The following MTHFD1L variants were observed in gnomAD, a reference collection of about 807,000 sequenced individuals.
The protein encoded by MTHFD1L is monofunctional C1-tetrahydrofolate synthase, mitochondrial.
MTHFD1L carries 81 observed loss-of-function variants against 119.5 expected under a neutral mutation model. The observed-to-expected ratio is 0.68, with a 90% CI of 0.57 to 0.82. The LOEUF (loss-of-function observed/expected upper bound fraction) is 0.82. Among genes scored for constraint, MTHFD1L ranks in the 40% least tolerant of loss-of-function variants. The pLI, the probability that MTHFD1L is intolerant of heterozygous loss-of-function variation, is 0.00. For synonymous variants in MTHFD1L, 430 were observed against 475.2 expected (o/e 0.90, Z 1.24); for missense variants, 1,125 against 1,253.4 (o/e 0.90, Z 1.55).
At chr6:151,093,425 G>A (rs1182546323) in intron 27 of MTHFD1L, among the ~76,000 whole-genome samples, 1 of 46,346 alleles carries the variant, frequency 2.2e-5, no homozygotes, top group African/African-American at 9.7e-5. Context: ...TTGGGAGGCC[G>A]AGGTGGGTGG....
chr6:151,063,348 A>G (rs144685643), intron 26 of MTHFD1L, among the ~76,000 whole-genome samples: 2 of 152,130 alleles, frequency 1.3e-5, no homozygotes, highest in East Asian at 1.9e-4. Flanking sequence ...CTCTCTATAT[A>G]TATTAAAAGA....
chr6:151,045,401 T>C (rs6910267), intron 26 of MTHFD1L, among the ~76,000 whole-genome samples: 40,422 of 151,622 alleles, frequency 0.27, 5,858 homozygotes, highest in African/African-American at 0.33. Flanking sequence ...CATCCCTTTT[T>C]CCCCCTCTCT....
At position 150,992,818 on chromosome 6, in the gene MTHFD1L, T is replaced by A. The variant is rs115782970; in HGVS notation, c.2126-17001T>A. On this transcript the variant is annotated intron_variant, in intron 20 of 27. Coordinates refer to ENST00000367321, the MANE Select transcript of MTHFD1L (RefSeq NM_015440.5). ...GCAGTTGGTGACTGGGTGAACCACC[T>A]GACTTGAGCAGGGCTACGACTCTCT... Among the ~76,000 whole-genome samples, 1,152 of 152,258 alleles carry A rather than the reference T, an allele frequency of 7.6e-3. 17 individuals are homozygous for A. Among genetic ancestry groups the A allele is most frequent in the African/African-American group, 0.026 (1,066 of 41,542 alleles).
At chr6:151,084,842 C>T (rs1252359616) in intron 26 of MTHFD1L, among the ~76,000 whole-genome samples, 4 of 151,392 alleles carry the variant, frequency 2.6e-5, no homozygotes, top group East Asian at 3.9e-4. Context: ...TGGCGGGTGC[C>T]TGTAGTCCCA....
chr6:151,044,940 TCA>T (rs1416710901), intron 26 of MTHFD1L, among the ~76,000 whole-genome samples: 1 of 152,244 alleles, frequency 6.6e-6, no homozygotes, highest in Non-Finnish European at 1.5e-5. Context: ...CTGCTCTTTC[TCA>T]CGTTTCAGTT....
intron 7 of MTHFD1L, 145 bp downstream of exon 7, chr6:150,888,126 T>C: frequency 1.2e-6 from 1 of 857,648 alleles, no homozygotes; most frequent in Admixed American, 4.0e-5. Flanking sequence ...ATTGAATGAG[T>C]CTACTCACCA....
intron 26 of MTHFD1L, among the ~76,000 whole-genome samples, chr6:151,065,375 G>A (rs1321564832): frequency 6.6e-6 from 1 of 152,178 alleles, no homozygotes; most frequent in Non-Finnish European, 1.5e-5. Context: ...AGACAATGGG[G>A]CCTTATGCTC....
intron 7 of MTHFD1L, among the ~76,000 whole-genome samples, chr6:150,890,585 G>A (rs1244242916): frequency 1.3e-5 from 2 of 152,136 alleles, no homozygotes; most frequent in Admixed American, 6.6e-5. Context: ...GCAGCTATTC[G>A]AGTTATCCCG....
chr6:151,023,897 A>G (rs1784291834), intron 24 of MTHFD1L, among the ~76,000 whole-genome samples: 1 of 152,188 alleles, frequency 6.6e-6, no homozygotes, highest in Non-Finnish European at 1.5e-5. Flanking sequence ...AGATCACATG[A>G]GACCATTGCA....
intron 19 of MTHFD1L, among the ~76,000 whole-genome samples, chr6:150,970,861 C>T (rs1797909453): frequency 6.6e-6 from 1 of 152,156 alleles, no homozygotes; most frequent in African/African-American, 2.4e-5. Context: ...TTCTCACCAA[C>T]TCCATACTGG....
chr6:151,021,320 G>A (rs1228816401), intron 24 of MTHFD1L, among the ~76,000 whole-genome samples: 1 of 152,194 alleles, frequency 6.6e-6, no homozygotes, highest in Non-Finnish European at 1.5e-5. Flanking sequence ...GGCTGAGGCA[G>A]GTGGATCACC....
chr6:150,891,054 C>T (rs1367249762), intron 7 of MTHFD1L, among the ~76,000 whole-genome samples: 1 of 152,174 alleles, frequency 6.6e-6, no homozygotes, highest in Non-Finnish European at 1.5e-5. Context: ...GGCGCGAACT[C>T]GGCTCACTGC....
chr6:150,892,250 G>C (rs1009771290), intron 7 of MTHFD1L, among the ~76,000 whole-genome samples: 3 of 152,190 alleles, frequency 2.0e-5, no homozygotes, highest in Admixed American at 6.5e-5. Context: ...GAATGTTTTC[G>C]CAGCTGTCAC....
Position 151,022,632 on chromosome 6 carries a change from T to A in MTHFD1L, c.2586+6939T>A, listed in dbSNP as rs554979469. Among the ~76,000 whole-genome samples, 4 of 152,334 alleles carry A rather than the reference T, an allele frequency of 2.6e-5. No individual in the cohort carries two copies. The East Asian group carries it at 5.8e-4, about 22-fold the overall frequency. Reference sequence around the variant, plus strand: ...CCTTTCTTTTGGTTGTCCTTGTCCCTGGAAAAGCTGTCTTCCCCCTCAGGG... The same window carrying A: ...CCTTTCTTTTGGTTGTCCTTGTCCCAGGAAAAGCTGTCTTCCCCCTCAGGG... On this transcript the variant is annotated intron_variant, in intron 24 of 27. Coordinates refer to ENST00000367321, the MANE Select transcript of MTHFD1L (RefSeq NM_015440.5).
chr6:150,979,817 A>G (rs908280702), intron 20 of MTHFD1L, among the ~76,000 whole-genome samples: 1 of 152,070 alleles, frequency 6.6e-6, no homozygotes, highest in African/African-American at 2.4e-5. Context: ...CAGTTTTATA[A>G]TCAGTCTTCT....
chr6:150,992,903 G>A (rs1339911887), intron 20 of MTHFD1L, among the ~76,000 whole-genome samples: 1 of 152,170 alleles, frequency 6.6e-6, no homozygotes, highest in African/African-American at 2.4e-5. Context: ...TTCCCATGTA[G>A]GCTGCTTTCC....
chr6:151,026,011 T>C (rs1784567254), intron 24 of MTHFD1L, among the ~76,000 whole-genome samples: 1 of 152,244 alleles, frequency 6.6e-6, no homozygotes, highest in African/African-American at 2.4e-5. Flanking sequence ...TTCCATTTCA[T>C]TTTATTTTGT....
intron 7 of MTHFD1L, among the ~76,000 whole-genome samples, chr6:150,894,289 A>G (rs1783847438): frequency 6.6e-6 from 1 of 152,162 alleles, no homozygotes; most frequent in South Asian, 2.1e-4. Flanking sequence ...TACTAGTAAA[A>G]TAGCGTGACT....
intron 26 of MTHFD1L, among the ~76,000 whole-genome samples, chr6:151,068,439 T>C (rs910369380): frequency 1.3e-5 from 2 of 152,228 alleles, no homozygotes; most frequent in Non-Finnish European, 2.9e-5. Context: ...GTCTTTCAAA[T>C]GCTGAGGCAT....
Sources: gnomAD v4.1 joint callset for allele counts (sites outside exome capture counted in the v4.1 genomes callset) on GRCh38, gnomAD v4.1.1 for gene constraint, MANE v1.5 for transcripts, NCBI Gene and HGNC (gene_info 2026-07-23, HGNC 2026-07-21) for gene names.